SLC12A9: variants seen among roughly 807,000 people sequenced by gnomAD.
The protein encoded by SLC12A9 is CCC-interacting protein 1.
A neutral mutation model predicts 66.0 loss-of-function variants in SLC12A9; 55 were observed. That is an observed-to-expected ratio of 0.83 (90% CI 0.67 to 1.04). The LOEUF (loss-of-function observed/expected upper bound fraction) is 1.04. SLC12A9 is among the 50% of genes least tolerant of loss of function. SLC12A9 has a pLI of 0.00. For missense variants in SLC12A9, 1,061 were observed against 1,241.9 expected (o/e 0.85, Z 2.19); for synonymous variants, 577 against 569.0 (o/e 1.01, Z -0.20).
chr7:100,857,205 C>T (rs780024518), intron 5 of SLC12A9, 29 bp downstream of exon 5: 2 of 1,591,540 alleles, frequency 1.3e-6, no homozygotes, highest in Non-Finnish European at 1.7e-6. Context: ...TGGCAGGGAT[C>T]TCGGGGTGAG....
At position 100,865,805 on chromosome 7, in the gene SLC12A9, G is replaced by A. The variant is rs1320762549; in HGVS notation, c.1945G>A (p.Glu649Lys). Residue 649 changes from glutamate to lysine, a missense_variant, in exon 14 of 14, where the codon GAG becomes AAG. Transcript: ENST00000354161. ...TTTCCTGACGGACCCGGCTTTCTCT[G>A]AGCCTGCAGACAGCACCAGGGAGGG... Reference protein sequence around the residue: ...DHFLTDPAFSEPADSTREGSS... With the variant: ...DHFLTDPAFSKPADSTREGSS... The A allele has an allele frequency of 6.2e-7, 1 of 1,614,002 alleles. No homozygotes were observed. Among genetic ancestry groups the A allele is most frequent in the Non-Finnish European group, 8.5e-7 (1 of 1,180,014 alleles).
chr7:100,854,418 T>G (rs567126303), intron 2 of SLC12A9, 40 bp downstream of exon 2: 3 of 1,600,082 alleles, frequency 1.9e-6, no homozygotes, highest in Non-Finnish European at 2.6e-6. Flanking sequence ...GACTATAGTA[T>G]GGGAGGACAT....
chr7:100,859,242 C>A, intron 7 of SLC12A9, 81 bp downstream of exon 7: 1 of 1,370,484 alleles, frequency 7.3e-7, no homozygotes, highest in Non-Finnish European at 1.0e-6. Flanking sequence ...GGCTGGGGGA[C>A]TGGGAAGCAG....
intron 1 of SLC12A9, among the ~76,000 whole-genome samples, chr7:100,840,517 A>C (rs774404409): frequency 6.6e-6 from 1 of 152,040 alleles, no homozygotes; most frequent in South Asian, 2.1e-4. Context: ...CCCCCAACAC[A>C]CAGCGGTTGA....
chr7:100,857,582 AG>A (rs1307089286), intron 5 of SLC12A9: 1 of 190,518 alleles, frequency 5.2e-6, no homozygotes, highest in Non-Finnish European at 1.1e-5. Context: ...TTCAGCCAGG[AG>A]CTGGGAGCAG....
chr7:100,866,537 C>G lies in SLC12A9; in HGVS notation c.2677C>G (p.Leu893Val). The change falls in exon 14 of 14, where the codon CTA (leucine) becomes GTA (valine). Residue 893 changes from leucine (L) to valine (V), a missense_variant. Physicochemically the swap from Leu to Val is conservative, Grantham distance 32 (BLOSUM62 1). Coordinates refer to ENST00000354161, the MANE Select transcript of SLC12A9 (RefSeq NM_020246.4). The surrounding 1 kb of genome is among the most constrained non-coding windows in gnomAD (Gnocchi z 7.3). ...CCGCTACCTGGCGCTACTGGAGACT[C>G]TAACCCGAGACCTGGGCCCCACGCT... ...YPRYLALLET[L>V]TRDLGPTLLV... 6.3e-7 allele frequency: 1 copy of G among 1,583,582 alleles called. No individual in the cohort carries two copies. The highest frequency in any genetic ancestry group is 1.2e-5 in the South Asian group (1 of 86,812).
chr7:100,838,986 C>T (rs533336563), intron 1 of SLC12A9, among the ~76,000 whole-genome samples: 4 of 152,138 alleles, frequency 2.6e-5, no homozygotes, highest in African/African-American at 4.8e-5. Context: ...CAATCAATCA[C>T]GACCCTCTCA....
chr7:100,840,999 A>T (rs1212806882), intron 1 of SLC12A9, among the ~76,000 whole-genome samples: 1 of 150,570 alleles, frequency 6.6e-6, no homozygotes, highest in East Asian at 1.9e-4. Flanking sequence ...CAACAAAAAA[A>T]AAGTAAAAAA....
In SLC12A9 at chr7:100,859,075, G is replaced by A. The variant is rs766541858; in HGVS notation, c.891G>A (p.Ala297=). The change falls in exon 7 of 14, where the codon GCG becomes GCA. Residue 297 remains alanine, a synonymous_variant. Coordinates refer to ENST00000354161, the MANE Select transcript of SLC12A9 (RefSeq NM_020246.4). ...GGGAGCTGAAGGACCCCAGCCGGGC[G>A]ATCCCTCTGGGCACGATCGTCGCCG... is the stretch of plus-strand genomic sequence containing the variant. The part of the protein sequence containing the change: ...MSGELKDPSR[A]IPLGTIVAVA... 2.4e-5 allele frequency: 39 copies of A among 1,613,644 alleles called. No individual in the cohort carries two copies. The highest frequency in any genetic ancestry group is 3.2e-5 in the Non-Finnish European group (38 of 1,180,024).
intron 1 of SLC12A9, among the ~76,000 whole-genome samples, chr7:100,841,748 A>G (rs1415617016): frequency 2.0e-5 from 3 of 152,198 alleles, no homozygotes; most frequent in African/African-American, 7.2e-5. Context: ...ATCTGGTATG[A>G]AAATCATACG....
rs1316115663 is a variant in SLC12A9, at chr7:100,852,814, C to T, written c.-64C>T. 1 of 152,284 alleles carries T rather than the reference C, an allele frequency of 6.6e-6. No homozygotes were observed. Among genetic ancestry groups the T allele is most frequent in the Non-Finnish European group, 1.5e-5 (1 of 68,102 alleles). The allele number at this position is 152,284 out of a possible 1,614,324, so 9.4% of individuals were successfully genotyped here. ...GAGCCCCCCGGCTCGCGGGGATCGC[C>T]CCCGAGCGCTGCGTCCTGCGGGTGG... On this transcript the variant is annotated 5_prime_UTR_variant, in exon 1 of 14. Coordinates refer to ENST00000354161, the MANE Select transcript of SLC12A9 (RefSeq NM_020246.4).
Position 100,854,373 on chromosome 7 carries a change from G to C in SLC12A9, c.176G>C (p.Arg59Thr). ...ATGTTCAGCATAGTTGTTTTTCTGA[G>C]GATTGGTGAGTGGGTCCTGGGGCGG... ...LSMFSIVVFL[R>T]IGFVVGHAGL... Residue 59 changes from arginine to threonine, a missense_variant, in exon 2 of 14, where the codon AGG becomes ACG. Physicochemically the swap from Arg to Thr is moderately conservative, Grantham distance 71 (BLOSUM62 -1). Coordinates refer to ENST00000354161, the MANE Select transcript of SLC12A9 (RefSeq NM_020246.4). 6.2e-7 allele frequency: 1 copy of C among 1,613,282 alleles called. No individual in the cohort carries two copies. The highest frequency in any genetic ancestry group is 8.5e-7 in the Non-Finnish European group (1 of 1,179,788).
Position 100,861,387 on chromosome 7 carries a change from C to G in SLC12A9, c.1344-5C>G. 2.5e-6 allele frequency: 4 copies of G among 1,613,002 alleles called. No individual in the cohort carries two copies. The highest frequency in any genetic ancestry group is 2.2e-5 in the South Asian group (2 of 91,064). ...TTCTGTCCCTCCTCCCCTCCATGCC[C>G]GCAGCCCCACCTTCAGCCTGTTCTC... is the stretch of plus-strand genomic sequence containing the variant. On this transcript the variant is annotated splice_region_variant and splice_polypyrimidine_tract_variant and intron_variant, in intron 10 of 13. Coordinates refer to ENST00000354161, the MANE Select transcript of SLC12A9 (RefSeq NM_020246.4). The surrounding 1 kb of genome is among the most constrained non-coding windows in gnomAD (Gnocchi z 5.3).
At position 100,857,171 on chromosome 7, in the gene SLC12A9, T is replaced by C. The variant is rs757447796; in HGVS notation, c.752T>C (p.Leu251Ser). The change falls in exon 5 of 14, where the codon TTG (leucine) becomes TCG (serine). Residue 251 changes from leucine to serine, a missense_variant. Transcript: ENST00000354161. ...GFNSSTLKDN[L>S]GAGYAEDYTT... The stretch of plus-strand genomic sequence containing the variant: ...AACAGCAGTACCCTGAAGGACAACT[T>C]GGGCGGTGAGCTGGGTGCTGCCGTG... 1.6e-5 allele frequency: 25 copies of C among 1,609,042 alleles called. No individual in the cohort carries two copies. The highest frequency in any genetic ancestry group is 2.0e-5 in the Non-Finnish European group (24 of 1,176,400).
chr7:100,854,415 G>C, intron 2 of SLC12A9, 37 bp downstream of exon 2: 1 of 1,602,870 alleles, frequency 6.2e-7, no homozygotes, highest in East Asian at 2.2e-5. Flanking sequence ...ACTGACTATA[G>C]TATGGGAGGA....
chr7:100,859,863 T>C, intron 7 of SLC12A9, 22 bp from the exon 8 acceptor site: 1 of 1,584,874 alleles, frequency 6.3e-7, no homozygotes, highest in Non-Finnish European at 8.6e-7. Context: ...ATCATCCGTG[T>C]CCTCCTTTTC....
intron 5 of SLC12A9, chr7:100,857,924 A>C (rs2116607825): frequency 6.6e-6 from 1 of 152,200 alleles, no homozygotes; most frequent in East Asian, 1.9e-4. Context: ...CTCTCCAAAA[A>C]ACAAACAAAC....
chr7:100,848,740 G>C (rs2116553832), upstream of SLC12A9, among the ~76,000 whole-genome samples: 1 of 151,668 alleles, frequency 6.6e-6, no homozygotes, highest in South Asian at 2.1e-4. Flanking sequence ...CAAAAAATTA[G>C]CCGTGCGTGG....
Position 100,861,708 on chromosome 7 carries a change from C to T in SLC12A9, c.1537-29C>T, listed in dbSNP as rs185231250. ...CGGGGCTGTGCATTTGATCCTGCCA[C>T]TTCCCCACTGCCTCACCCCTATACC... On this transcript the variant is annotated intron_variant, in intron 11 of 13. Coordinates refer to ENST00000354161, the MANE Select transcript of SLC12A9 (RefSeq NM_020246.4). The surrounding 1 kb of genome is among the most constrained non-coding windows in gnomAD (Gnocchi z 5.3). 13 of 1,613,892 alleles carry T rather than the reference C, an allele frequency of 8.1e-6. 1 individual carries two copies. The South Asian group carries it at 1.4e-4, about 18-fold the overall frequency.
Sources: gnomAD v4.1 joint callset for allele counts (sites outside exome capture counted in the v4.1 genomes callset) on GRCh38, gnomAD v4.1.1 for gene constraint, Gnocchi (gnomAD v3.1) non-coding constraint, MANE v1.5 for transcripts, NCBI Gene and HGNC (gene_info 2026-07-23, HGNC 2026-07-21) for gene names.